PCNT: variants seen among roughly 807,000 people sequenced by gnomAD.
PCNT encodes the protein kendrin.
A neutral mutation model predicts 380.4 loss-of-function variants in PCNT; 319 were observed. The observed-to-expected ratio is 0.84, with a 90% CI of 0.77 to 0.92. The LOEUF (loss-of-function observed/expected upper bound fraction) is 0.92, where lower values mean the gene tolerates loss of function less well. PCNT is among the 40% of genes least tolerant of loss of function. The pLI, the probability that PCNT is intolerant of heterozygous loss-of-function variation, is 0.00. For synonymous variants in PCNT, 1,845 were observed against 1,735.2 expected (o/e 1.06, Z -1.57); for missense variants, 4,400 against 4,255.3 (o/e 1.03, Z -0.95).
At chr21:46,346,233 C>T (rs1168041407) in intron 4 of PCNT, 25 bp downstream of exon 4, 1 of 1,579,410 alleles carries the variant, frequency 6.3e-7, no homozygotes, top group South Asian at 1.1e-5. Context: ...CCTGCACAGG[C>T]TCACAGCATG....
At chr21:46,402,197 C>T (rs768028177) in intron 26 of PCNT, 134 bp from the exon 27 acceptor site, 9 of 619,880 alleles carry the variant, frequency 1.5e-5, no homozygotes, top group South Asian at 4.4e-5. Flanking sequence ...TGTGCGGGTA[C>T]AGGTACAGGG....
At chr21:46,443,385 G>A (rs1404483212) in intron 44 of PCNT, among the ~76,000 whole-genome samples, 2 of 152,202 alleles carry the variant, frequency 1.3e-5, no homozygotes, top group African/African-American at 2.4e-5. Flanking sequence ...CCTGGCAGCT[G>A]TATCAGTGTT....
At chr21:46,403,324 T>TTG (rs1479690459) in intron 27 of PCNT, among the ~76,000 whole-genome samples, 1 of 109,726 alleles carries the variant, frequency 9.1e-6, no homozygotes, top group African/African-American at 3.5e-5. Context: ...CGTGGGAGAA[T>TTG]TGTGTGTGTG....
chr21:46,422,668 A>G (rs1417734581), intron 32 of PCNT, among the ~76,000 whole-genome samples: 2 of 152,230 alleles, frequency 1.3e-5, no homozygotes, highest in Admixed American at 1.3e-4. Flanking sequence ...TGATAGAATG[A>G]TGCCACTACA....
chr21:46,332,485 A>G (rs2083589709), intron 2 of PCNT, among the ~76,000 whole-genome samples: 1 of 152,242 alleles, frequency 6.6e-6, no homozygotes, highest in Non-Finnish European at 1.5e-5. Flanking sequence ...TTTGACACAC[A>G]AACATTAGAA....
intron 33 of PCNT, 103 bp downstream of exon 33, chr21:46,426,074 T>TTTTA: frequency 3.8e-5 from 32 of 846,142 alleles, no homozygotes; most frequent in Non-Finnish European, 4.6e-5. Context: ...TCTTTCTTTT[T>TTTTA]TTTTTTTTTT....
At chr21:46,442,979 A>G (rs904096511) in intron 44 of PCNT, 1 of 300,682 alleles carries the variant, frequency 3.3e-6, no homozygotes, top group African/African-American at 2.2e-5. Context: ...ATTGCCCCCT[A>G]CAGCAGAGAG....
chr21:46,422,152 G>C, intron 32 of PCNT, 28 bp downstream of exon 32: 1 of 1,612,138 alleles, frequency 6.2e-7, no homozygotes, highest in Non-Finnish European at 8.5e-7. Flanking sequence ...GGCCCTCACA[G>C]CTTCACATGT....
At chr21:46,435,866 C>G (rs746344680) in intron 38 of PCNT, 38 bp from the exon 39 acceptor site, 31 of 1,613,266 alleles carry the variant, frequency 1.9e-5, no homozygotes, top group Non-Finnish European at 2.5e-5. Flanking sequence ...TGGACACTGA[C>G]GTGAACGTCT....
chr21:46,329,500 A>G (rs1325379027), intron 2 of PCNT, among the ~76,000 whole-genome samples: 2 of 152,226 alleles, frequency 1.3e-5, no homozygotes, highest in African/African-American at 4.8e-5. Flanking sequence ...AGAATTAACT[A>G]TACCACTAAT....
At chr21:46,339,233 T>G (rs2146437716) in intron 3 of PCNT, among the ~76,000 whole-genome samples, 1 of 152,324 alleles carries the variant, frequency 6.6e-6, no homozygotes, top group South Asian at 2.1e-4. Context: ...ATTTCCCTTC[T>G]TGAAAGCCTG....
At chr21:46,414,140 C>T (rs1194951695) in intron 29 of PCNT, among the ~76,000 whole-genome samples, 2 of 151,996 alleles carry the variant, frequency 1.3e-5, no homozygotes, top group African/African-American at 4.8e-5. Context: ...TGCAGGCATG[C>T]GCCACCACAC....
intron 27 of PCNT, among the ~76,000 whole-genome samples, chr21:46,403,140 C>T (rs1268758634): frequency 6.6e-6 from 1 of 151,876 alleles, no homozygotes; most frequent in East Asian, 1.9e-4. Context: ...ATGAACACAG[C>T]GTGGGAGAAT....
At chr21:46,349,851 G>A (rs1380722950) in intron 8 of PCNT, 31 bp downstream of exon 8, 2 of 1,605,026 alleles carry the variant, frequency 1.2e-6, no homozygotes, top group Non-Finnish European at 8.5e-7. Flanking sequence ...TTAATTACTT[G>A]GTATATTAGG....
At position 46,431,614 on chromosome 21, in the gene PCNT, A is replaced by G; in HGVS notation, c.8150A>G (p.Asn2717Ser). The change falls in exon 38 of 47, where the codon AAC becomes AGC. Residue 2717 changes from asparagine (N) to serine (S), a missense_variant. Asn to Ser is a conservative substitution (Grantham distance 46, BLOSUM62 1). Coordinates refer to ENST00000359568, the MANE Select transcript of PCNT (RefSeq NM_006031.6). ...ALKHEQTAKD[N>S]LQKELRIEHS... ...AAACACGAGCAGACGGCCAAGGACA[A>G]CCTGCAGAAGGAGCTGCGTATCGAG... 1.2e-6 allele frequency: 2 copies of G among 1,614,048 alleles called. No homozygotes were observed. Among genetic ancestry groups the G allele is most frequent in the African/African-American group, 1.3e-5 (1 of 75,068 alleles).
intron 15 of PCNT, among the ~76,000 whole-genome samples, 155 bp from the exon 16 acceptor site, chr21:46,381,539 T>C (rs997628166): frequency 6.6e-6 from 1 of 152,190 alleles, no homozygotes; most frequent in African/African-American, 2.4e-5. Flanking sequence ...TGAACCCATG[T>C]TTTCTTTGAT....
chr21:46,428,566 C>G lies in PCNT; in HGVS notation c.7666C>G (p.Gln2556Glu), dbSNP rs1250766515. The change falls in exon 35 of 47, where the codon CAG becomes GAG. Residue 2556 changes from glutamine (Q) to glutamate (E), a missense_variant. Coordinates refer to ENST00000359568, the MANE Select transcript of PCNT (RefSeq NM_006031.6). ...LTSAEARGSQ[Q>E]EHQLRRQVEL... ...AAGCGCAGAGGCGCGCGGGAGCCAG[C>G]AGGAGCACCAGCTGCGCAGGCAGGG... is the stretch of plus-strand genomic sequence containing the variant. The G allele has an allele frequency of 1.2e-6, 2 of 1,603,358 alleles. No homozygotes were observed. Among genetic ancestry groups the G allele is most frequent in the Non-Finnish European group, 1.7e-6 (2 of 1,178,932 alleles).
chr21:46,403,267 T>TTG (rs2086493341), intron 27 of PCNT, among the ~76,000 whole-genome samples: 2 of 127,370 alleles, frequency 1.6e-5, no homozygotes, highest in Non-Finnish European at 1.7e-5. Context: ...CGTGGGAGAA[T>TTG]TGTGTGTGTG....
intron 44 of PCNT, 107 bp downstream of exon 44, chr21:46,442,680 G>A (rs915972287): frequency 1.0e-5 from 8 of 780,064 alleles, no homozygotes; most frequent in Non-Finnish European, 1.8e-5. Flanking sequence ...ACGTAATAAA[G>A]CACGGTAAGA....
Sources: allele counts gnomAD v4.1 joint callset (sites outside exome capture counted in the v4.1 genomes callset), GRCh38; gene constraint gnomAD v4.1.1; transcripts MANE v1.5; gene names NCBI Gene and HGNC (gene_info 2026-07-23, HGNC 2026-07-21).